PUS10: variants seen among roughly 807,000 people sequenced by gnomAD.
PUS10 encodes pseudouridine synthase 10.
A neutral mutation model predicts 75.0 loss-of-function variants in PUS10; 59 were observed. The ratio of observed to expected loss-of-function variants is 0.79; its 90% CI spans 0.64 to 0.98. PUS10 has a LOEUF of 0.98. PUS10 is among the 50% of genes least tolerant of loss of function. PUS10 has a pLI of 0.00. For synonymous variants in PUS10, 219 were observed against 211.6 expected (o/e 1.03, Z -0.30); for missense variants, 650 against 614.4 (o/e 1.06, Z -0.61).
rs199948397 is a variant in PUS10 at position 60,953,902 on chromosome 2, T to C, written c.1190+31A>G. 8.1e-6 allele frequency: 13 copies of C among 1,597,852 alleles called. No homozygotes were observed. The East Asian group carries it at 2.9e-4, about 36-fold the overall frequency. ...GTGACCTGCAACTAAAACGTCCCTT[T>C]TGAAATCATCTCCAATGAGCCTACT... On this transcript the variant is annotated intron_variant, in intron 14 of 17. Transcript: ENST00000316752.
chr2:60,947,901 G>T, intron 16 of PUS10, 142 bp downstream of exon 16: 4 of 565,220 alleles, frequency 7.1e-6, no homozygotes, highest in Non-Finnish European at 1.1e-5. Context: ...ATCCAACAAA[G>T]AAACAAACAA....
chr2:60,985,317 A>T (rs115213856), intron 4 of PUS10, among the ~76,000 whole-genome samples: 1,973 of 152,316 alleles, frequency 0.013, 46 homozygotes, highest in African/African-American at 0.044. Flanking sequence ...ATTTTATTTT[A>T]AAATGTACTA....
At chr2:60,948,208 G>T in intron 15 of PUS10, 23 bp from the exon 16 acceptor site, 1 of 1,613,030 alleles carries the variant, frequency 6.2e-7, no homozygotes, top group Non-Finnish European at 8.5e-7. Flanking sequence ...ATGACACACA[G>T]TCCCAGAGTC....
rs1335696519 is a variant in PUS10, at chr2:61,008,956, T to C, written c.186A>G (p.Glu62=). ...TTTTCTTGGGAGGTGGGTTCATAAC[T>C]TCCAAAATTAATTCATCTTTTTCAG... ...LETEKDELIL[E]VMNPPPKKIR... is the part of the protein sequence containing the mutation. Residue 62 remains glutamate, a synonymous_variant, in exon 3 of 18, where the codon GAA becomes GAG. Coordinates refer to ENST00000316752, the MANE Select transcript of PUS10 (RefSeq NM_144709.4). The C allele has an allele frequency of 1.9e-6, 3 of 1,612,872 alleles. No individual in the cohort carries two copies. The highest frequency in any genetic ancestry group is 8.5e-7 in the Non-Finnish European group (1 of 1,179,434).
intron 4 of PUS10, among the ~76,000 whole-genome samples, chr2:60,977,844 G>A (rs1401512891): frequency 6.6e-6 from 1 of 152,158 alleles, no homozygotes; most frequent in African/African-American, 2.4e-5. Context: ...CAAACCGTAA[G>A]AGGAAGGTAT....
At chr2:60,944,169 A>T in intron 17 of PUS10, 1 of 963,088 alleles carries the variant, frequency 1.0e-6, no homozygotes, top group Non-Finnish European at 1.2e-6. Flanking sequence ...TCTTTAACAG[A>T]AGGTTTTCTT....
intron 4 of PUS10, among the ~76,000 whole-genome samples, chr2:60,976,913 A>G (rs373107858): frequency 2.5e-4 from 38 of 152,190 alleles, no homozygotes; most frequent in African/African-American, 9.2e-4. Flanking sequence ...TTTCCTCCCC[A>G]ACAGAAGCAA....
At chr2:61,015,719 C>A (rs1679929148) in intron 1 of PUS10, among the ~76,000 whole-genome samples, 1 of 151,936 alleles carries the variant, frequency 6.6e-6, no homozygotes, top group African/African-American at 2.4e-5. Context: ...TAAATAAGAT[C>A]TGTGTGGTCA....
chr2:60,955,434 A>G (rs1389644979), intron 11 of PUS10, among the ~76,000 whole-genome samples: 1 of 152,056 alleles, frequency 6.6e-6, no homozygotes, highest in Non-Finnish European at 1.5e-5. Flanking sequence ...GGCCCAATCA[A>G]TCCTCTTGTC....
chr2:60,993,471 A>G (rs986992473), intron 4 of PUS10, among the ~76,000 whole-genome samples: 2 of 152,208 alleles, frequency 1.3e-5, no homozygotes, highest in African/African-American at 4.8e-5. Context: ...AAAAAAAGAA[A>G]AAAAGAAAGG....
chr2:60,961,626 C>A, intron 9 of PUS10, 78 bp from the exon 10 acceptor site: 1 of 1,231,534 alleles, frequency 8.1e-7, no homozygotes, highest in South Asian at 1.2e-5. Context: ...TCAGCATTGT[C>A]TGAGACATAC....
chr2:60,951,680 C>T (rs888413513), intron 15 of PUS10, among the ~76,000 whole-genome samples: 1 of 152,200 alleles, frequency 6.6e-6, no homozygotes, highest in African/African-American at 2.4e-5. Context: ...TGAAGCTTTG[C>T]TGTCTCATCT....
chr2:60,953,870 A>C (rs563954632), intron 14 of PUS10, 63 bp downstream of exon 14: 13 of 1,240,738 alleles, frequency 1.0e-5, no homozygotes, highest in African/African-American at 7.4e-5. Flanking sequence ...TTCCCTTATC[A>C]AGATATGTGA....
intron 10 of PUS10, 132 bp from the exon 11 acceptor site, chr2:60,960,649 A>C (rs79703662): frequency 0.019 from 13,384 of 700,026 alleles, 194 homozygotes; most frequent in Non-Finnish European, 0.022. Context: ...CCTTTACCTA[A>C]CTAACAATCC....
At chr2:61,011,632 TC>T (rs1679601563) in intron 2 of PUS10, 132 bp downstream of exon 2, 1 of 608,866 alleles carries the variant, frequency 1.6e-6, no homozygotes, top group Non-Finnish European at 2.6e-6. Context: ...TGAATATCAC[TC>T]ATTTTATTAT....
In PUS10 at chr2:61,008,927, C is replaced by T. The variant is rs371197341; in HGVS notation, c.215G>A (p.Arg72Gln). The T allele has an allele frequency of 8.7e-6, 14 of 1,613,518 alleles. No homozygotes were observed. Among genetic ancestry groups the T allele is most frequent in the Middle Eastern group, 1.6e-4 (1 of 6,080 alleles). Residue 72 changes from arginine (R) to glutamine (Q), a missense_variant, in exon 3 of 18, where the codon CGA becomes CAA. By Grantham distance (43) the Arg-to-Gln change is conservative. Coordinates refer to ENST00000316752, the MANE Select transcript of PUS10 (RefSeq NM_144709.4). ...AATACTATCTTCCAGTTCTTGCAGT[C>T]GAATTTTCTTGGGAGGTGGGTTCAT... is the stretch of plus-strand genomic sequence containing the variant. ...EVMNPPPKKI[R>Q]LQELEDSIDN...
intron 2 of PUS10, chr2:61,010,849 G>C (rs1473007685): frequency 6.5e-7 from 1 of 1,550,314 alleles, no homozygotes; most frequent in Non-Finnish European, 8.7e-7. Context: ...GTGTAACTTT[G>C]GGCAGGTTGC....
intron 4 of PUS10, among the ~76,000 whole-genome samples, chr2:60,987,000 C>T (rs948344151): frequency 6.6e-6 from 1 of 152,170 alleles, no homozygotes; most frequent in African/African-American, 2.4e-5. Flanking sequence ...GGTCTTCTGA[C>T]TCTCTGTTCA....
At chr2:60,952,263 G>A (rs2104222203) in intron 15 of PUS10, among the ~76,000 whole-genome samples, 1 of 151,570 alleles carries the variant, frequency 6.6e-6, no homozygotes, top group African/African-American at 2.4e-5. Flanking sequence ...GAACCCAGGA[G>A]GCGGAGGTTG....
Sources: gnomAD v4.1 joint callset for allele counts (sites outside exome capture counted in the v4.1 genomes callset) on GRCh38, gnomAD v4.1.1 for gene constraint, MANE v1.5 for transcripts, NCBI Gene and HGNC (gene_info 2026-07-23, HGNC 2026-07-21) for gene names.